Variants in SANBR observed in about 807,000 individuals in gnomAD.
The protein encoded by SANBR is SANT and BTB domain regulator of class switch recombination.
Under a neutral mutation model 101.8 loss-of-function variants are expected in SANBR, and 77 were observed. That is an observed-to-expected ratio of 0.76 (90% CI 0.63 to 0.91). The LOEUF is 0.91. Ranked by LOEUF, SANBR falls within the 40% of genes least tolerant of loss-of-function variation. The pLI is 0.00. For missense variants in SANBR, 875 were observed against 853.0 expected (o/e 1.03, Z -0.32); for synonymous variants, 279 against 274.7 (o/e 1.02, Z -0.15).
At chr2:61,067,738 T>TAACAACAAC (rs150082222) in intron 1 of SANBR, among the ~76,000 whole-genome samples, 2 of 151,784 alleles carry the variant, frequency 1.3e-5, no homozygotes, top group African/African-American at 4.8e-5. Context: ...CACTCCGTCT[T>TAACAACAAC]AACAACAACA....
chr2:61,099,597 T>C (rs906087771), intron 12 of SANBR, among the ~76,000 whole-genome samples: 4 of 152,196 alleles, frequency 2.6e-5, no homozygotes, highest in Non-Finnish European at 5.9e-5. Flanking sequence ...CCGTTAGATA[T>C]ATGAGTTTGG....
chr2:61,104,135 GT>G, intron 13 of SANBR, 137 bp downstream of exon 13: 1 of 724,110 alleles, frequency 1.4e-6, no homozygotes, highest in Non-Finnish European at 2.3e-6. Flanking sequence ...GAAATTATAT[GT>G]TAGCTTACAG....
intron 20 of SANBR, among the ~76,000 whole-genome samples, chr2:61,133,472 GC>G: frequency 6.6e-6 from 1 of 151,890 alleles, no homozygotes; most frequent in Middle Eastern, 3.4e-3. Flanking sequence ...AAAAATGAAG[GC>G]TGGTCATGGT....
At chr2:61,077,702 T>C (rs1279293504) in intron 6 of SANBR, among the ~76,000 whole-genome samples, 1 of 152,194 alleles carries the variant, frequency 6.6e-6, no homozygotes, top group East Asian at 1.9e-4. Flanking sequence ...ATCTTTACTG[T>C]GATGAAATGG....
intron 6 of SANBR, among the ~76,000 whole-genome samples, chr2:61,080,345 C>T (rs926280796): frequency 6.6e-6 from 1 of 152,156 alleles, no homozygotes; most frequent in African/African-American, 2.4e-5. Flanking sequence ...TAATAACCTG[C>T]CACTGGTTCC....
At position 61,117,201 on chromosome 2, in the gene SANBR, A is replaced by G. The variant is rs1684115073; in HGVS notation, c.1837-156A>G. 2.2e-5 allele frequency: 15 copies of G among 679,564 alleles called. No homozygotes were observed. The South Asian group carries it at 2.3e-4, about 10-fold the overall frequency. 42.1% of individuals were successfully genotyped at this position (679,564 alleles called of 1,614,324 possible). On this transcript the variant is annotated intron_variant, in intron 17 of 21. Coordinates refer to ENST00000402291, the MANE Select transcript of SANBR (RefSeq NM_001129993.3). ...TGAAGATATTAATAGTGCCTGTCTC[A>G]TTTGGTTGGTGCAAGGTTTAAATGA...
intron 17 of SANBR, 103 bp downstream of exon 17, chr2:61,116,173 C>T: frequency 1.3e-6 from 1 of 766,324 alleles, no homozygotes; most frequent in Non-Finnish European, 2.1e-6. Context: ...GGAATGCTAG[C>T]AATGTAAAAA....
At chr2:61,087,841 ACT>A (rs1463802074) in intron 8 of SANBR, among the ~76,000 whole-genome samples, 1 of 151,244 alleles carries the variant, frequency 6.6e-6, no homozygotes, top group Non-Finnish European at 1.5e-5. Context: ...ACAGAGTGAG[ACT>A]CTGTCTCAAA....
At chr2:61,124,491 G>A (rs1328889697), downstream of SANBR, among the ~76,000 whole-genome samples, 5 of 152,226 alleles carry the variant, frequency 3.3e-5, no homozygotes, top group South Asian at 6.2e-4. Flanking sequence ...CTTGAGCCCA[G>A]GAGTTCAAGA....
intron 4 of SANBR, 124 bp from the exon 5 acceptor site, chr2:61,073,334 C>A: frequency 4.3e-6 from 2 of 469,648 alleles, no homozygotes; most frequent in South Asian, 5.2e-5. Context: ...CTGATAAGTA[C>A]CATCTTTAGC....
chr2:61,073,525 TG>T lies in SANBR; in HGVS notation c.407del (p.Gly136GlufsTer3). On this transcript the variant is annotated frameshift_variant, in exon 5 of 22. Transcript: ENST00000402291. LOFTEE classifies it high-confidence loss of function. The part of the protein sequence containing the change: ...ESENCTTHNG[G>X]EMTEESEGPN... The stretch of plus-strand genomic sequence containing the variant: ...GTGAAAATTGTACTACTCATAATGG[TG>T]GAGAAATGACTGAAGAATCTGAAGG... The T allele has an allele frequency of 6.3e-7, 1 of 1,575,876 alleles. No homozygotes were observed. Among genetic ancestry groups the T allele is most frequent in the Non-Finnish European group, 8.6e-7 (1 of 1,156,892 alleles).
chr2:61,067,749 A>G (rs1681257286), intron 1 of SANBR, among the ~76,000 whole-genome samples: 3 of 152,114 alleles, frequency 2.0e-5, no homozygotes, highest in African/African-American at 7.2e-5. Context: ...AACAACAACA[A>G]CAACAACAAC....
In SANBR at chr2:61,106,637, G is replaced by T. The variant is rs1186513115; in HGVS notation, c.1586G>T (p.Gly529Val). 1 of 1,592,154 alleles carries T rather than the reference G, an allele frequency of 6.3e-7. No homozygotes were observed. The highest frequency in any genetic ancestry group is 1.7e-4 in the Middle Eastern group (1 of 6,028). Residue 529 changes from glycine (G) to valine (V), a missense_variant, in exon 14 of 22, where the codon GGT becomes GTT. Gly to Val is a moderately radical substitution (Grantham distance 109). Transcript: ENST00000402291. Reference protein sequence around the residue: ...DVLLEPNTPWGPKTGELNAFL... With the variant: ...DVLLEPNTPWVPKTGELNAFL... ...TTACTGGAGCCAAATACACCATGGG[G>T]TCCCAAAACTGGGGAGCTCAATGCT... is the stretch of plus-strand genomic sequence containing the variant.
chr2:61,068,361 G>C (rs1681289343), intron 1 of SANBR, among the ~76,000 whole-genome samples: 1 of 152,174 alleles, frequency 6.6e-6, no homozygotes, highest in Admixed American at 6.5e-5. Context: ...ACAAGGCAGT[G>C]CTTTACAGTT....
At chr2:61,133,267 A>AG (rs1684743925) in intron 20 of SANBR, among the ~76,000 whole-genome samples, 1 of 152,096 alleles carries the variant, frequency 6.6e-6, no homozygotes, top group African/African-American at 2.4e-5. Flanking sequence ...AAAAAAAAAA[A>AG]TTCTTCAGGA....
At chr2:61,103,825 C>G in intron 12 of SANBR, 28 bp from the exon 13 acceptor site, 1 of 1,607,602 alleles carries the variant, frequency 6.2e-7, no homozygotes, top group Non-Finnish European at 8.5e-7. Context: ...ACAAACTAAC[C>G]TCTAATTTAT....
At chr2:61,104,350 T>C (rs928550179) in intron 13 of SANBR, among the ~76,000 whole-genome samples, 6 of 151,488 alleles carry the variant, frequency 4.0e-5, no homozygotes, top group Admixed American at 6.6e-5. Context: ...GGCGTGGTGG[T>C]GGGCACCTGT....
At chr2:61,077,588 G>GA (rs968483647) in intron 6 of SANBR, among the ~76,000 whole-genome samples, 39 of 134,492 alleles carry the variant, frequency 2.9e-4, no homozygotes, top group South Asian at 1.8e-3. Context: ...TAGTTAATAA[G>GA]AAAAAAAAAA....
At chr2:61,112,619 G>A (rs972035097) in intron 16 of SANBR, among the ~76,000 whole-genome samples, 6 of 151,710 alleles carry the variant, frequency 4.0e-5, no homozygotes, top group Admixed American at 2.6e-4. Flanking sequence ...TCAGCCTCCC[G>A]AGTAGCTGGG....
Sources: gnomAD v4.1 joint callset for allele counts (sites outside exome capture counted in the v4.1 genomes callset) on GRCh38, gnomAD v4.1.1 for gene constraint, MANE v1.5 for transcripts, NCBI Gene and HGNC (gene_info 2026-07-23, HGNC 2026-07-21) for gene names.